Variants in EXOC4 observed in about 807,000 individuals in gnomAD.
The protein encoded by EXOC4 is SEC8-like 1.
Under a neutral mutation model 107.2 loss-of-function variants are expected in EXOC4, and 71 were observed. The observed-to-expected ratio is 0.66, with a 90% CI of 0.55 to 0.81. The LOEUF is 0.81. Ranked by LOEUF, EXOC4 falls within the 30% of genes least tolerant of loss-of-function variation. EXOC4 has a pLI of 0.00. For synonymous variants in EXOC4, 456 were observed against 441.2 expected (o/e 1.03, Z -0.42); for missense variants, 1,108 against 1,189.6 (o/e 0.93, Z 1.01).
chr7:133,648,660 A>G (rs1483443477), intron 10 of EXOC4, among the ~76,000 whole-genome samples: 1 of 152,208 alleles, frequency 6.6e-6, no homozygotes, highest in African/African-American at 2.4e-5. Context: ...TTAGTCTTAC[A>G]TGAGGAGGAG....
rs572080748 is a variant in EXOC4, at chr7:133,534,749, G to A, written c.1417+54611G>A. Among the ~76,000 whole-genome samples, 20 of 152,250 alleles carry A rather than the reference G, an allele frequency of 1.3e-4. No individual in the cohort carries two copies. The South Asian group carries it at 4.1e-3, about 32-fold the overall frequency. ...GAAGATGACTTTTTTTGTGATTTTA[G>A]TCAGCAAACATAAACAGCATATTTT... On this transcript the variant is annotated intron_variant, in intron 9 of 17. Transcript: ENST00000253861.
At chr7:133,580,861 T>C (rs1288011914) in intron 9 of EXOC4, among the ~76,000 whole-genome samples, 2 of 152,224 alleles carry the variant, frequency 1.3e-5, no homozygotes, top group Non-Finnish European at 2.9e-5. Context: ...TTCAACCTTA[T>C]AGCACCAGCA....
rs543146070 is a variant in EXOC4, at chr7:134,054,562, A to G, written c.2688-9729A>G. 2.0e-5 allele frequency among the ~76,000 whole-genome samples: 3 copies of G among 152,266 alleles called. No homozygotes were observed. In the East Asian group the frequency reaches 5.8e-4, roughly 29 times the overall value. On this transcript the variant is annotated intron_variant, in intron 17 of 17. Coordinates refer to ENST00000253861, the MANE Select transcript of EXOC4 (RefSeq NM_021807.4). Reference sequence around the variant, plus strand: ...CCACTCTGTATCTTCCTGTGCATTAATGAAGGTATTAAGTGAGATCAGTTC... The same window carrying G: ...CCACTCTGTATCTTCCTGTGCATTAGTGAAGGTATTAAGTGAGATCAGTTC...
chr7:133,547,541 C>T (rs969125354), intron 9 of EXOC4, among the ~76,000 whole-genome samples: 3 of 152,120 alleles, frequency 2.0e-5, no homozygotes, highest in African/African-American at 4.8e-5. Context: ...ATTTTACTCC[C>T]GGTAGAACGT....
At chr7:133,904,335 G>A (rs189597295) in intron 12 of EXOC4, among the ~76,000 whole-genome samples, 100 of 152,252 alleles carry the variant, frequency 6.6e-4, no homozygotes, top group Non-Finnish European at 1.2e-3. Context: ...GGTTTAGGCG[G>A]GAACATGGAT....
intron 10 of EXOC4, among the ~76,000 whole-genome samples, chr7:133,734,295 TTTAAGCCTG>T (rs142783341): frequency 5.9e-5 from 9 of 152,262 alleles, no homozygotes; most frequent in Non-Finnish European, 1.3e-4. Flanking sequence ...AATTAAACCT[TTTAAGCCTG>T]TGCAGTCATT....
intron 10 of EXOC4, chr7:133,727,587 C>T: frequency 6.3e-6 from 1 of 159,792 alleles, no homozygotes; most frequent in Admixed American, 6.3e-5. Flanking sequence ...CCCTTCAGTG[C>T]AGCCATCATA....
intron 17 of EXOC4, among the ~76,000 whole-genome samples, chr7:134,014,505 G>A (rs2116383462): frequency 6.6e-6 from 1 of 152,270 alleles, no homozygotes. Context: ...GACATGATGT[G>A]CTGAATCTTG....
chr7:133,764,358 G>A (rs746561172), intron 10 of EXOC4, among the ~76,000 whole-genome samples: 4 of 151,808 alleles, frequency 2.6e-5, no homozygotes, highest in Non-Finnish European at 5.9e-5. Context: ...AATCCAAATC[G>A]TCAAAATATG....
At chr7:133,743,813 G>A (rs554489398) in intron 10 of EXOC4, among the ~76,000 whole-genome samples, 3 of 152,180 alleles carry the variant, frequency 2.0e-5, no homozygotes, top group South Asian at 2.1e-4. Flanking sequence ...GGGTGTTTTC[G>A]TGCCCTGATG....
chr7:133,985,871 C>G (rs1384197892), intron 14 of EXOC4, among the ~76,000 whole-genome samples: 1 of 152,178 alleles, frequency 6.6e-6, no homozygotes, highest in African/African-American at 2.4e-5. Context: ...TCATTCTTAT[C>G]CCTTTTTTCC....
At chr7:133,648,123 G>T (rs754766165) in intron 10 of EXOC4, among the ~76,000 whole-genome samples, 1 of 152,072 alleles carries the variant, frequency 6.6e-6, no homozygotes, top group Non-Finnish European at 1.5e-5. Flanking sequence ...TTTACCCAAG[G>T]TAAATTTTCA....
chr7:133,747,366 G>A (rs1421080752), intron 10 of EXOC4, among the ~76,000 whole-genome samples: 1 of 152,180 alleles, frequency 6.6e-6, no homozygotes, highest in Non-Finnish European at 1.5e-5. Context: ...TGTACGCTGA[G>A]TAGAAGGAAT....
intron 7 of EXOC4, among the ~76,000 whole-genome samples, chr7:133,412,746 T>C (rs1210878690): frequency 1.3e-5 from 2 of 152,076 alleles, no homozygotes; most frequent in Non-Finnish European, 2.9e-5. Flanking sequence ...GTAGTAATCA[T>C]AGAGAAGTTT....
intron 17 of EXOC4, among the ~76,000 whole-genome samples, chr7:134,012,253 G>A (rs766682600): frequency 2.0e-5 from 3 of 152,284 alleles, no homozygotes; most frequent in African/African-American, 4.8e-5. Flanking sequence ...GTTGGGGAGG[G>A]GAGGTTGTAG....
intron 6 of EXOC4, among the ~76,000 whole-genome samples, chr7:133,368,289 T>C (rs1367764106): frequency 1.3e-5 from 2 of 152,230 alleles, no homozygotes; most frequent in Non-Finnish European, 2.9e-5. Context: ...ATTAGGCCTC[T>C]TTTGGTTATA....
At chr7:133,823,904 TATATATA>T (rs1797629733) in intron 11 of EXOC4, among the ~76,000 whole-genome samples, 3 of 28,012 alleles carry the variant, frequency 1.1e-4, no homozygotes, top group Non-Finnish European at 1.6e-4. Flanking sequence ...TTTATATATA[TATATATA>T]AATATATATA....
the EXOC4 span, among the ~76,000 whole-genome samples, chr7:134,076,015 T>C: frequency 6.6e-6 from 1 of 152,176 alleles, no homozygotes; most frequent in African/African-American, 2.4e-5. Flanking sequence ...TAACCCTCCC[T>C]ATCCTGACTG....
At chr7:133,341,922 T>C (rs1795670143) in intron 5 of EXOC4, among the ~76,000 whole-genome samples, 1 of 152,156 alleles carries the variant, frequency 6.6e-6, no homozygotes, top group Non-Finnish European at 1.5e-5. Flanking sequence ...TTTATGTGAG[T>C]TCTTATGTGT....
Sources: gnomAD v4.1 joint callset for allele counts (sites outside exome capture counted in the v4.1 genomes callset) on GRCh38, gnomAD v4.1.1 for gene constraint, MANE v1.5 for transcripts, NCBI Gene and HGNC (gene_info 2026-07-23, HGNC 2026-07-21) for gene names.